WASF3: variants seen among roughly 807,000 people sequenced by gnomAD.
WASF3 encodes WASP family member 3.
In WASF3, 11 loss-of-function variants were observed where a neutral mutation model predicts 46.6. The ratio of observed to expected loss-of-function variants is 0.24; its 90% CI spans 0.15 to 0.39. The LOEUF is 0.39. WASF3 is among the 10% of genes least tolerant of loss of function. The probability of loss-of-function intolerance (pLI) is 1.00; values close to 1 mark genes in which losing one functional copy is unlikely to be tolerated. For synonymous variants in WASF3, 242 were observed against 259.7 expected (o/e 0.93, Z 0.65); for missense variants, 576 against 669.8 (o/e 0.86, Z 1.55).
chr13:26,551,630 G>T, the WASF3 span, among the ~76,000 whole-genome samples: 1 of 152,136 alleles, frequency 6.6e-6, no homozygotes, highest in South Asian at 2.1e-4. Flanking sequence ...GCTGGTGTAG[G>T]TAACTGTGCC....
At chr13:26,627,911 AT>A (rs367613755) in intron 2 of WASF3, among the ~76,000 whole-genome samples, 5,507 of 149,166 alleles carry the variant, frequency 0.037, 223 homozygotes, top group African/African-American at 0.093. Context: ...AACCCTAAAA[AT>A]AAAATAAAAT....
At chr13:26,629,226 G>A (rs1386946973) in intron 2 of WASF3, among the ~76,000 whole-genome samples, 1 of 152,160 alleles carries the variant, frequency 6.6e-6, no homozygotes, top group Non-Finnish European at 1.5e-5. Flanking sequence ...CTCTTTGGTG[G>A]GAAACTTTCC....
intron 1 of WASF3, among the ~76,000 whole-genome samples, chr13:26,559,467 C>T (rs1879209510): frequency 1.3e-5 from 2 of 152,168 alleles, no homozygotes; most frequent in African/African-American, 2.4e-5. Context: ...TCAACAATTA[C>T]GAAAACAAAG....
intron 1 of WASF3, among the ~76,000 whole-genome samples, chr13:26,566,411 A>G (rs907088156): frequency 3.9e-5 from 6 of 152,248 alleles, no homozygotes; most frequent in Non-Finnish European, 5.9e-5. Context: ...GAATATATAA[A>G]GACCAGAAAT....
At chr13:26,653,512 T>C (rs1882377796) in intron 3 of WASF3, among the ~76,000 whole-genome samples, 1 of 152,170 alleles carries the variant, frequency 6.6e-6, no homozygotes, top group African/African-American at 2.4e-5. Context: ...GCTGCTAAAA[T>C]CCAGTGGCCA....
At chr13:26,585,096 TAA>T (rs35542854) in intron 1 of WASF3, among the ~76,000 whole-genome samples, 3 of 143,540 alleles carry the variant, frequency 2.1e-5, no homozygotes, top group Non-Finnish European at 1.5e-5. Context: ...AAGAAAAATG[TAA>T]AAAAAAAAAA....
At position 26,645,648 on chromosome 13, in the gene WASF3, T is replaced by C. The variant is rs374560560; in HGVS notation, c.133+3245T>C. On this transcript the variant is annotated intron_variant, in intron 3 of 9. Coordinates refer to ENST00000335327, the MANE Select transcript of WASF3 (RefSeq NM_006646.6). ...TTCTCTGTTTTAATCTACTATTCTT[T>C]TACACACGTTGTCTGGCAAAATAAA... 1.0e-3 allele frequency among the ~76,000 whole-genome samples: 153 copies of C among 152,210 alleles called. 1 individual carries two copies. The highest frequency in any genetic ancestry group is 3.5e-3 in the African/African-American group (146 of 41,526).
chr13:26,548,048 G>A, the WASF3 span, among the ~76,000 whole-genome samples: 1 of 152,192 alleles, frequency 6.6e-6, no homozygotes, highest in Non-Finnish European at 1.5e-5. Flanking sequence ...ATTTGGGTTA[G>A]TACAGATTGA....
chr13:26,614,152 G>A (rs1026281992), intron 2 of WASF3, among the ~76,000 whole-genome samples: 1 of 152,230 alleles, frequency 6.6e-6, no homozygotes, highest in South Asian at 2.1e-4. Context: ...GAGAACATAA[G>A]GTAGAAGAAA....
intron 1 of WASF3, among the ~76,000 whole-genome samples, chr13:26,580,287 G>A (rs1053831464): frequency 1.3e-5 from 2 of 151,856 alleles, no homozygotes; most frequent in African/African-American, 2.4e-5. Context: ...ATATGAATAC[G>A]TCCAAAAGTT....
chr13:26,655,781 A>T (rs1337955799), intron 3 of WASF3, among the ~76,000 whole-genome samples: 2 of 152,110 alleles, frequency 1.3e-5, no homozygotes, highest in African/African-American at 4.8e-5. Flanking sequence ...TAATCCATTG[A>T]CTTATTTTGA....
intron 1 of WASF3, chr13:26,609,436 G>A (rs1476576379): frequency 2.6e-5 from 4 of 151,098 alleles, no homozygotes; most frequent in African/African-American, 9.8e-5. Flanking sequence ...ACGCTGCATG[G>A]TCCCCTCCTC....
At chr13:26,641,894 G>C (rs1475873737) in intron 2 of WASF3, 1 of 153,634 alleles carries the variant, frequency 6.5e-6, no homozygotes, top group Non-Finnish European at 1.4e-5. Flanking sequence ...TGTCATAATG[G>C]TGGCCTTTCC....
chr13:26,630,513 T>G (rs928761860), intron 2 of WASF3, among the ~76,000 whole-genome samples: 1 of 152,226 alleles, frequency 6.6e-6, no homozygotes, highest in African/African-American at 2.4e-5. Flanking sequence ...GGCTGCACAG[T>G]ATTCCATGGT....
At position 26,631,878 on chromosome 13, in the gene WASF3, C is replaced by T. The variant is rs142624838; in HGVS notation, c.-10-10383C>T. On this transcript the variant is annotated intron_variant, in intron 2 of 9. Transcript: ENST00000335327. ...AGTGGTTTGTAGTTCTCCTTGAAGA[C>T]GTCCTTCACGTCCCTTGTAAGTTGG... Among the ~76,000 whole-genome samples the T allele has an allele frequency of 1.2e-3, 187 of 152,098 alleles. 3 individuals are homozygous for T. Among genetic ancestry groups the T allele is most frequent in the Non-Finnish European group, 7.4e-4 (50 of 68,008 alleles).
chr13:26,627,570 G>A (rs1460961115), intron 2 of WASF3, among the ~76,000 whole-genome samples: 2 of 152,050 alleles, frequency 1.3e-5, no homozygotes, highest in East Asian at 1.9e-4. Context: ...GTGGGCTGGG[G>A]GGACGTGAAA....
At chr13:26,542,495 A>G in the WASF3 span, among the ~76,000 whole-genome samples, 1 of 152,220 alleles carries the variant, frequency 6.6e-6, no homozygotes, top group Non-Finnish European at 1.5e-5. Context: ...TACCTCCTAC[A>G]TGTCTTGGCA....
intron 1 of WASF3, chr13:26,577,330 G>T (rs934750521): frequency 1.3e-6 from 1 of 757,610 alleles, no homozygotes; most frequent in Non-Finnish European, 2.4e-6. Context: ...GTAACAATCC[G>T]ATATGGAAAA....
intron 7 of WASF3, among the ~76,000 whole-genome samples, chr13:26,680,697 T>G (rs1883199728): frequency 6.6e-6 from 1 of 152,232 alleles, no homozygotes. Flanking sequence ...TGAAATCTTC[T>G]GTCTTATATC....
Sources: allele counts gnomAD v4.1 joint callset (sites outside exome capture counted in the v4.1 genomes callset), GRCh38; gene constraint gnomAD v4.1.1; transcripts MANE v1.5; gene names NCBI Gene and HGNC (gene_info 2026-07-23, HGNC 2026-07-21).